The following TMEM245 variants were observed in gnomAD, a reference collection of about 807,000 sequenced individuals.
TMEM245 encodes the protein transmembrane protein 245.
TMEM245 carries 69 observed loss-of-function variants against 101.2 expected under a neutral mutation model. The ratio of observed to expected loss-of-function variants is 0.68; its 90% CI spans 0.56 to 0.83. The LOEUF (loss-of-function observed/expected upper bound fraction) is 0.83. TMEM245 is among the 40% of genes least tolerant of loss of function. The pLI, the probability that TMEM245 is intolerant of heterozygous loss-of-function variation, is 0.00. For synonymous variants in TMEM245, 537 were observed against 449.8 expected, an observed-to-expected ratio of 1.19 and a Z score of -2.45; for missense variants, 1,075 against 1,092.8, an observed-to-expected ratio of 0.98 and a Z score of 0.23.
chr9:109,022,808 A>G (rs1827670777), intron 17 of TMEM245, among the ~76,000 whole-genome samples: 1 of 152,236 alleles, frequency 6.6e-6, no homozygotes, highest in African/African-American at 2.4e-5. Context: ...TTTGCAAGCA[A>G]TAGTCAAAAA....
rs1171614627 is a variant in TMEM245 at position 109,015,293 on chromosome 9, C to CT, written c.*5166dup. ...AGGGTATTTATTGTATTCGAATATT[C>CT]TTTTTTACTTTTGAATTGCCTCCTT... On this transcript the variant is annotated 3_prime_UTR_variant, in exon 18 of 18. Transcript: ENST00000374586. The CT allele has an allele frequency of 6.6e-6, 1 of 152,088 alleles. No individual in the cohort carries two copies. The highest frequency in any genetic ancestry group is 2.4e-5 in the African/African-American group (1 of 41,412). The allele number at this position is 152,088 out of a possible 1,614,324, so 9.4% of individuals were successfully genotyped here.
chr9:109,094,558 A>G (rs1372333522), intron 3 of TMEM245, among the ~76,000 whole-genome samples: 1 of 152,240 alleles, frequency 6.6e-6, no homozygotes, highest in African/African-American at 2.4e-5. Context: ...CACGGCGAGC[A>G]GCAGCAGCCG....
At chr9:109,070,565 TTTTAA>T (rs751437029) in intron 9 of TMEM245, among the ~76,000 whole-genome samples, 11 of 152,220 alleles carry the variant, frequency 7.2e-5, no homozygotes, top group East Asian at 1.9e-4. Flanking sequence ...CTCTAGAAGC[TTTTAA>T]TTTGTCTCAA....
At chr9:109,065,063 G>A (rs1222397686) in intron 9 of TMEM245, among the ~76,000 whole-genome samples, 2 of 152,208 alleles carry the variant, frequency 1.3e-5, no homozygotes, top group Non-Finnish European at 2.9e-5. Context: ...TGGGATTACA[G>A]GCATGAGCCA....
chr9:109,056,989 ACC>A, intron 12 of TMEM245, among the ~76,000 whole-genome samples, 200 bp downstream of exon 12: 1 of 152,266 alleles, frequency 6.6e-6, no homozygotes, highest in African/African-American at 2.4e-5. Context: ...TTACTCTACA[ACC>A]ACAGGGGAAA....
At chr9:109,031,092 T>C (rs1827932937) in intron 17 of TMEM245, among the ~76,000 whole-genome samples, 1 of 152,222 alleles carries the variant, frequency 6.6e-6, no homozygotes, top group South Asian at 2.1e-4. Flanking sequence ...TTACTTTTTA[T>C]TCTGAGACTG....
chr9:109,037,786 A>T (rs947671330), intron 15 of TMEM245, among the ~76,000 whole-genome samples: 2 of 152,200 alleles, frequency 1.3e-5, no homozygotes, highest in Non-Finnish European at 2.9e-5. Context: ...GAGAGAACAG[A>T]CTAATACAGC....
intron 1 of TMEM245, among the ~76,000 whole-genome samples, chr9:109,117,051 T>C (rs1017600248): frequency 3.3e-5 from 5 of 152,122 alleles, no homozygotes; most frequent in African/African-American, 4.8e-5. Flanking sequence ...TGTTTTTTTT[T>C]AACCCTCTCT....
intron 14 of TMEM245, chr9:109,038,980 T>C (rs1828223043): frequency 6.6e-6 from 1 of 152,160 alleles, no homozygotes. Context: ...TATGGGGTGG[T>C]GCAGAGGGGT....
chr9:109,113,911 G>A (rs1489251370), intron 1 of TMEM245, among the ~76,000 whole-genome samples: 1 of 152,124 alleles, frequency 6.6e-6, no homozygotes, highest in Non-Finnish European at 1.5e-5. Flanking sequence ...CCAACATGGT[G>A]GAACCCCGTC....
In TMEM245 at chr9:109,119,848, C is replaced by G; in HGVS notation, c.66G>C (p.Arg22=). 7.5e-7 allele frequency: 1 copy of G among 1,331,332 alleles called. No homozygotes were observed. The highest frequency in any genetic ancestry group is 9.5e-7 in the Non-Finnish European group (1 of 1,051,272). 82.5% of individuals were successfully genotyped at this position (1,331,332 alleles called of 1,614,324 possible). ...SLRSSPGPAP[R]VPRAVGPSGG... is the part of the protein sequence containing the mutation. ...CACTCGGCCCGACCGCGCGCGGGACCCGCGGCGCCGGCCCGGGAGAGCTCC... is the reference window on the plus strand; with the variant it reads ...CACTCGGCCCGACCGCGCGCGGGACGCGCGGCGCCGGCCCGGGAGAGCTCC... The change falls in exon 1 of 18, where the codon CGG becomes CGC. Residue 22 remains arginine (R), a synonymous_variant. Coordinates refer to ENST00000374586, the MANE Select transcript of TMEM245 (RefSeq NM_032012.4).
At chr9:109,049,447 C>T (rs55921618) in intron 14 of TMEM245, among the ~76,000 whole-genome samples, 2 of 152,142 alleles carry the variant, frequency 1.3e-5, no homozygotes, top group Non-Finnish European at 2.9e-5. Flanking sequence ...TTCCTGAGCT[C>T]GAACAATCCT....
intron 9 of TMEM245, among the ~76,000 whole-genome samples, chr9:109,068,040 C>A (rs1481798893): frequency 2.0e-5 from 3 of 152,024 alleles, no homozygotes; most frequent in African/African-American, 7.2e-5. Context: ...AGAATCAGAC[C>A]TTCTATGAAT....
In TMEM245 at chr9:109,034,767, AT is replaced by A. The variant is rs1156467950; in HGVS notation, c.2400-1267del. 3.4e-4 allele frequency among the ~76,000 whole-genome samples: 52 copies of A among 152,226 alleles called. 1 individual carries two copies. Among genetic ancestry groups the A allele is most frequent in the Admixed American group, 3.1e-3 (48 of 15,288 alleles). On this transcript the variant is annotated intron_variant, in intron 16 of 17. Transcript: ENST00000374586. ...AGCCTTAAAGCTTTTTTTAAAAAAA[AT>A]AAAAACGTGTGGGAGTTTATGAATA...
At chr9:109,097,328 G>A (rs1025075070) in intron 3 of TMEM245, among the ~76,000 whole-genome samples, 2 of 152,184 alleles carry the variant, frequency 1.3e-5, no homozygotes, top group African/African-American at 4.8e-5. Context: ...ACTCTAGGAA[G>A]TTCAATAAGA....
At chr9:109,036,033 C>G in intron 16 of TMEM245, 173 bp downstream of exon 16, 1 of 305,220 alleles carries the variant, frequency 3.3e-6, no homozygotes, top group Non-Finnish European at 5.4e-6. Flanking sequence ...GCCTTGTAAA[C>G]AATACTATTT....
At chr9:109,075,041 AAAGT>A (rs1212278602) in intron 8 of TMEM245, among the ~76,000 whole-genome samples, 1 of 152,174 alleles carries the variant, frequency 6.6e-6, no homozygotes, top group Non-Finnish European at 1.5e-5. Context: ...TTAGATGTTT[AAAGT>A]AAGTTTGGAC....
At chr9:109,043,980 G>C (rs968486935) in intron 14 of TMEM245, among the ~76,000 whole-genome samples, 4 of 152,088 alleles carry the variant, frequency 2.6e-5, no homozygotes, top group East Asian at 1.9e-4. Flanking sequence ...ATACCGTATG[G>C]CACTAAAGGT....
intron 1 of TMEM245, among the ~76,000 whole-genome samples, chr9:109,113,729 G>T (rs913406089): frequency 6.6e-6 from 1 of 152,192 alleles, no homozygotes; most frequent in African/African-American, 2.4e-5. Context: ...GTATTAACTG[G>T]AAAAACAACT....
Sources: gnomAD v4.1 joint callset for allele counts (sites outside exome capture counted in the v4.1 genomes callset) on GRCh38, gnomAD v4.1.1 for gene constraint, MANE v1.5 for transcripts, NCBI Gene and HGNC (gene_info 2026-07-23, HGNC 2026-07-21) for gene names.